The following TYW1 variants were observed in gnomAD, a reference collection of about 807,000 sequenced individuals.
TYW1 encodes S-adenosyl-L-methionine-dependent tRNA 4-demethylwyosine synthase TYW1.
Under a neutral mutation model 96.2 loss-of-function variants are expected in TYW1, and 46 were observed. The ratio of observed to expected loss-of-function variants is 0.48; its 90% confidence interval spans 0.38 to 0.61. The LOEUF is 0.61. Ranked by LOEUF, TYW1 falls within the 20% of genes least tolerant of loss-of-function variation. The pLI is 0.00. For missense variants in TYW1, 684 were observed against 909.6 expected (o/e 0.75, Z 3.19); for synonymous variants, 274 against 323.0 (o/e 0.85, Z 1.63).
At chr7:67,092,674 CTTTTTTTTTTTTTTT>C (rs3980762) in intron 11 of TYW1, among the ~76,000 whole-genome samples, 1 of 92,446 alleles carries the variant, frequency 1.1e-5, no homozygotes, top group African/African-American at 3.9e-5. Context: ...CTATCACCTT[CTTTTTTTTTTTTTTT>C]TTTTTTTTTT....
intron 10 of TYW1, among the ~76,000 whole-genome samples, chr7:67,078,972 A>G (rs4717347): frequency 0.38 from 57,605 of 151,958 alleles, 11,236 homozygotes; most frequent in African/African-American, 0.46. Flanking sequence ...GGGATTACAG[A>G]CGTGAGCCAC....
At chr7:67,035,487 T>C (rs1199907181) in intron 7 of TYW1, among the ~76,000 whole-genome samples, 2 of 152,084 alleles carry the variant, frequency 1.3e-5, no homozygotes, top group Non-Finnish European at 2.9e-5. Flanking sequence ...CCAAGACTGC[T>C]CCCACTTTTG....
chr7:67,197,651 T>C (rs1800444117), intron 15 of TYW1, among the ~76,000 whole-genome samples: 1 of 152,092 alleles, frequency 6.6e-6, no homozygotes, highest in Non-Finnish European at 1.5e-5. Flanking sequence ...GGAAGAGAAA[T>C]TGACACATCA....
At chr7:67,062,990 G>A (rs1005914182) in intron 9 of TYW1, among the ~76,000 whole-genome samples, 7 of 152,126 alleles carry the variant, frequency 4.6e-5, no homozygotes, top group African/African-American at 1.7e-4. Flanking sequence ...CAAAGACAAT[G>A]CACTAAAAGA....
intron 15 of TYW1, among the ~76,000 whole-genome samples, chr7:67,196,649 T>TTC (rs3980789): frequency 0.28 from 42,443 of 149,796 alleles, 6,697 homozygotes; most frequent in African/African-American, 0.42. Context: ...AATCACAGCC[T>TTC]TCTCTCCCTC....
At position 67,063,705 on chromosome 7, in the gene TYW1, G is replaced by A. The variant is rs555541660; in HGVS notation, c.1156-3580G>A. Reference sequence around the variant, plus strand: ...TGCAAGTTCCGCCTTCCAGGTTCCCGTCATTCTCCTGCCTCAGCCTCCCTA... The same window carrying A: ...TGCAAGTTCCGCCTTCCAGGTTCCCATCATTCTCCTGCCTCAGCCTCCCTA... On this transcript the variant is annotated intron_variant, in intron 9 of 15. Coordinates refer to ENST00000359626, the MANE Select transcript of TYW1 (RefSeq NM_018264.4). Among the ~76,000 whole-genome samples, 18 of 152,042 alleles carry A rather than the reference G, an allele frequency of 1.2e-4. No homozygotes were observed. In the South Asian group the frequency reaches 1.5e-3, roughly 12 times the overall value.
intron 13 of TYW1, among the ~76,000 whole-genome samples, chr7:67,143,962 G>A (rs1325343390): frequency 6.6e-6 from 1 of 152,202 alleles, no homozygotes; most frequent in Admixed American, 6.5e-5. Flanking sequence ...AGTCATGGAT[G>A]ACATTTTCTC....
At position 67,211,150 on chromosome 7, in the gene TYW1, TTGTGTGTGTGTGTG is replaced by T. The variant is rs61112149; in HGVS notation, c.1977+15841_1977+15854del. On this transcript the variant is annotated intron_variant, in intron 15 of 15. Coordinates refer to ENST00000359626, the MANE Select transcript of TYW1 (RefSeq NM_018264.4). ...TTACTTTGCCATACCCCCATCAACA[TTGTGTGTGTGTGTG>T]TGTGTGTGTGTGTGTGTGTGTGTGT... is the stretch of plus-strand genomic sequence containing the variant. 8.2e-3 allele frequency among the ~76,000 whole-genome samples: 1,035 copies of T among 125,796 alleles called. 21 individuals are homozygous for T. The highest frequency in any genetic ancestry group is 0.029 in the African/African-American group (924 of 32,372). 82.5% of individuals were successfully genotyped at this position (125,796 alleles called of 152,430 possible). A position where few individuals can be genotyped will look rare whatever the true frequency, so the allele number is the denominator to read the frequency against.
intron 13 of TYW1, among the ~76,000 whole-genome samples, chr7:67,180,827 G>A (rs1305492708): frequency 6.6e-6 from 1 of 151,610 alleles, no homozygotes; most frequent in African/African-American, 2.4e-5. Flanking sequence ...ATTTTTTAGT[G>A]GAGATGGGGT....
intron 12 of TYW1, among the ~76,000 whole-genome samples, chr7:67,113,181 C>T (rs1797478143): frequency 6.6e-6 from 1 of 151,944 alleles, no homozygotes; most frequent in Non-Finnish European, 1.5e-5. Context: ...TCAACTCACT[C>T]CTCCATTTAT....
rs980485639 is a variant in TYW1, at chr7:67,160,257, A to C, written c.1699-22869A>C. On this transcript the variant is annotated intron_variant, in intron 13 of 15. Coordinates refer to ENST00000359626, the MANE Select transcript of TYW1 (RefSeq NM_018264.4). The stretch of plus-strand genomic sequence containing the variant: ...AGCCTGAGCCACAGAGCAAGACCCT[A>C]TCTCTTAATTAATTAATTAAAATTG... Among the ~76,000 whole-genome samples the C allele has an allele frequency of 5.5e-4, 83 of 152,134 alleles. 2 individuals carry two copies. Among genetic ancestry groups the C allele is most frequent in the Non-Finnish European group, 7.3e-5 (5 of 68,030 alleles).
intron 15 of TYW1, among the ~76,000 whole-genome samples, chr7:67,222,663 T>G (rs532468520): frequency 6.6e-6 from 1 of 152,198 alleles, no homozygotes; most frequent in South Asian, 2.1e-4. Context: ...GTGTGTCTTT[T>G]TTAGTTCATT....
chr7:67,169,533 T>C, intron 13 of TYW1, among the ~76,000 whole-genome samples: 1 of 152,164 alleles, frequency 6.6e-6, no homozygotes, highest in East Asian at 1.9e-4. Flanking sequence ...CCTGAGTAGC[T>C]GGGACTACAG....
chr7:67,038,990 T>C (rs1794929180), intron 7 of TYW1, among the ~76,000 whole-genome samples: 1 of 152,218 alleles, frequency 6.6e-6, no homozygotes, highest in South Asian at 2.1e-4. Context: ...TGCTCAACTG[T>C]TAAGCAAAAT....
chr7:67,024,322 A>G (rs1424303311), intron 6 of TYW1, among the ~76,000 whole-genome samples: 1 of 151,950 alleles, frequency 6.6e-6, no homozygotes, highest in Non-Finnish European at 1.5e-5. Context: ...GTGCTACCAC[A>G]TCTGGCTAAT....
intron 3 of TYW1, among the ~76,000 whole-genome samples, chr7:67,000,549 T>C (rs1265395261): frequency 6.6e-6 from 1 of 152,148 alleles, no homozygotes; most frequent in Non-Finnish European, 1.5e-5. Flanking sequence ...GCCACCCGCC[T>C]CAGCCTCCTA....
chr7:67,158,105 T>G (rs1354575615), intron 13 of TYW1, among the ~76,000 whole-genome samples: 1 of 141,118 alleles, frequency 7.1e-6, no homozygotes, highest in Non-Finnish European at 1.5e-5. Flanking sequence ...TTTTTTTTTT[T>G]TGTGATGGAG....
chr7:67,137,950 C>T (rs552492252), intron 13 of TYW1, among the ~76,000 whole-genome samples: 8 of 152,304 alleles, frequency 5.3e-5, no homozygotes, highest in African/African-American at 1.4e-4. Flanking sequence ...CTCTTGATCC[C>T]AGAGTACCGA....
chr7:67,037,022 C>T (rs1427571620), intron 7 of TYW1, among the ~76,000 whole-genome samples: 2 of 152,100 alleles, frequency 1.3e-5, no homozygotes, highest in Non-Finnish European at 1.5e-5. Flanking sequence ...TGTGCCTGGC[C>T]CAGTTTTTAT....
Sources: gnomAD v4.1 joint callset for allele counts (sites outside exome capture counted in the v4.1 genomes callset) on GRCh38, gnomAD v4.1.1 for gene constraint, MANE v1.5 for transcripts, NCBI Gene and HGNC (gene_info 2026-07-23, HGNC 2026-07-21) for gene names.